SLC22A2: variants seen among roughly 807,000 people sequenced by gnomAD.
SLC22A2 encodes the protein solute carrier family 22 member 2.
In SLC22A2, 46 loss-of-function variants were observed where a neutral mutation model predicts 60.5. The observed-to-expected ratio is 0.76, with a 90% CI of 0.60 to 0.97. The LOEUF (loss-of-function observed/expected upper bound fraction) is 0.97, where lower values mean the gene tolerates loss of function less well. Among genes scored for constraint, SLC22A2 ranks in the 50% least tolerant of loss-of-function variants. The pLI is 0.00. For missense variants in SLC22A2, 701 were observed against 706.6 expected (o/e 0.99, Z 0.09); for synonymous variants, 303 against 267.0 (o/e 1.13, Z -1.31).
chr6:160,245,339 G>A (rs1276426405), intron 6 of SLC22A2, 100 bp downstream of exon 6: 12 of 645,324 alleles, frequency 1.9e-5, no homozygotes, highest in South Asian at 9.1e-5. Context: ...CACCGTCAGC[G>A]CTAATACCGG....
chr6:160,222,642 C>T (rs188870506), intron 10 of SLC22A2, among the ~76,000 whole-genome samples: 8 of 152,012 alleles, frequency 5.3e-5, no homozygotes, highest in East Asian at 1.9e-4. Context: ...GAGAGGGGTA[C>T]GGGGTGGGAG....
intron 9 of SLC22A2, among the ~76,000 whole-genome samples, chr6:160,237,472 CAG>C (rs757660634): frequency 7.2e-5 from 11 of 152,158 alleles, no homozygotes; most frequent in Admixed American, 2.6e-4. Flanking sequence ...TGTCAGAACT[CAG>C]AGTTATGAAT....
chr6:160,232,771 G>C (rs1031781883), intron 9 of SLC22A2, among the ~76,000 whole-genome samples: 1 of 151,786 alleles, frequency 6.6e-6, no homozygotes, highest in Admixed American at 6.6e-5. Context: ...AGCTAAAAAA[G>C]CAGCTAGCAT....
intron 6 of SLC22A2, 30 bp from the exon 7 acceptor site, chr6:160,243,816 C>T (rs746960544): frequency 8.5e-6 from 13 of 1,538,198 alleles, no homozygotes; most frequent in Non-Finnish European, 1.2e-5. Context: ...CAGGTCAAGT[C>T]AAGCACCAAA....
At chr6:160,232,493 T>G (rs1232788156) in intron 9 of SLC22A2, among the ~76,000 whole-genome samples, 3 of 151,920 alleles carry the variant, frequency 2.0e-5, no homozygotes, top group Middle Eastern at 3.4e-3. Flanking sequence ...ACTCTAAATA[T>G]GCCTTCCATA....
intron 8 of SLC22A2, 96 bp downstream of exon 8, chr6:160,242,198 T>C (rs17588242): frequency 0.22 from 172,870 of 789,170 alleles, 22,582 homozygotes; most frequent in Middle Eastern, 0.28. Context: ...ACACTGTGTT[T>C]TGAAGGTAAG....
chr6:160,227,903 A>C (rs1782749353), intron 9 of SLC22A2, among the ~76,000 whole-genome samples: 1 of 152,214 alleles, frequency 6.6e-6, no homozygotes, highest in South Asian at 2.1e-4. Flanking sequence ...CTTCATTGCT[A>C]CACTCCCACC....
At chr6:160,242,111 T>C (rs1011499707) in intron 8 of SLC22A2, among the ~76,000 whole-genome samples, 183 bp downstream of exon 8, 1 of 152,184 alleles carries the variant, frequency 6.6e-6, no homozygotes, top group African/African-American at 2.4e-5. Context: ...ATGGCCTCTG[T>C]ATTTTACCCC....
At chr6:160,253,241 T>G (rs902024065) in intron 2 of SLC22A2, among the ~76,000 whole-genome samples, 3 of 152,252 alleles carry the variant, frequency 2.0e-5, no homozygotes, top group Non-Finnish European at 2.9e-5. Context: ...TGTACTCATA[T>G]TTATTTTTAA....
chr6:160,221,602 C>T (rs889761118), intron 10 of SLC22A2, among the ~76,000 whole-genome samples: 2 of 152,310 alleles, frequency 1.3e-5, no homozygotes, highest in East Asian at 1.9e-4. Flanking sequence ...ACAGTTGAGA[C>T]TTGCAACGCT....
intron 9 of SLC22A2, among the ~76,000 whole-genome samples, chr6:160,231,748 A>G (rs1782827973): frequency 6.6e-6 from 1 of 151,742 alleles, no homozygotes; most frequent in Non-Finnish European, 1.5e-5. Flanking sequence ...AGATAAACCT[A>G]GCTGACCCCA....
chr6:160,246,250 C>T (rs2114866490), intron 5 of SLC22A2, among the ~76,000 whole-genome samples: 1 of 152,236 alleles, frequency 6.6e-6, no homozygotes, highest in East Asian at 1.9e-4. Context: ...ATCTACCTGC[C>T]TCTACCTCCC....
At chr6:160,230,321 G>A (rs539267064) in intron 9 of SLC22A2, among the ~76,000 whole-genome samples, 5 of 151,974 alleles carry the variant, frequency 3.3e-5, no homozygotes, top group Admixed American at 3.3e-4. Flanking sequence ...GCGTAGTCAA[G>A]GTTAATGTTC....
chr6:160,241,445 A>T lies in SLC22A2; in HGVS notation c.1501+29T>A, dbSNP rs754807864. On this transcript the variant is annotated intron_variant, in intron 9 of 10. Transcript: ENST00000366953. ...AAGGTCTCTAGAAAAATAAGTTTTCACTTAAAGACATCTGTGAAGATTTCT... is the reference window on the plus strand; with the variant it reads ...AAGGTCTCTAGAAAAATAAGTTTTCTCTTAAAGACATCTGTGAAGATTTCT... 10 of 1,452,132 alleles carry T rather than the reference A, an allele frequency of 6.9e-6. No individual in the cohort carries two copies. The Admixed American group carries it at 1.7e-4, about 24-fold the overall frequency. 90.0% of individuals were successfully genotyped at this position (1,452,132 alleles called of 1,614,324 possible).
chr6:160,256,389 T>C (rs982867832), intron 2 of SLC22A2, among the ~76,000 whole-genome samples: 10 of 152,200 alleles, frequency 6.6e-5, no homozygotes, highest in African/African-American at 2.4e-4. Flanking sequence ...CTGTGTAATG[T>C]TGAAATATCT....
At chr6:160,241,941 A>T (rs370283580) in intron 8 of SLC22A2, among the ~76,000 whole-genome samples, 1 of 71,828 alleles carries the variant, frequency 1.4e-5, no homozygotes, top group African/African-American at 3.2e-5. Context: ...TATAAACCTT[A>T]AATTTTTTTT....
At chr6:160,239,487 T>C (rs188600002) in intron 9 of SLC22A2, among the ~76,000 whole-genome samples, 1 of 152,306 alleles carries the variant, frequency 6.6e-6, no homozygotes, top group East Asian at 1.9e-4. Context: ...GAACCCCCTC[T>C]TGGGGTCTGG....
chr6:160,242,661 G>A (rs1389213671), intron 7 of SLC22A2, among the ~76,000 whole-genome samples: 1 of 152,120 alleles, frequency 6.6e-6, no homozygotes, highest in Non-Finnish European at 1.5e-5. Context: ...AAAATGGAGA[G>A]GAAGGTACAG....
At chr6:160,234,783 A>G (rs2114858169) in intron 9 of SLC22A2, among the ~76,000 whole-genome samples, 1 of 152,376 alleles carries the variant, frequency 6.6e-6, no homozygotes, top group South Asian at 2.1e-4. Context: ...TGGGAAGAAC[A>G]ACGGAAACCA....
Sources: gnomAD v4.1 joint callset for allele counts (sites outside exome capture counted in the v4.1 genomes callset) on GRCh38, gnomAD v4.1.1 for gene constraint, MANE v1.5 for transcripts, NCBI Gene and HGNC (gene_info 2026-07-23, HGNC 2026-07-21) for gene names.